ADTRP: variants seen among roughly 807,000 people sequenced by gnomAD.
ADTRP encodes androgen-dependent TFPI-regulating protein.
Under a neutral mutation model 27.0 loss-of-function variants are expected in ADTRP, and 20 were observed. The observed-to-expected ratio is 0.74, with a 90% CI of 0.52 to 1.08. ADTRP has a LOEUF of 1.08. Among genes scored for constraint, ADTRP ranks in the 50% least tolerant of loss-of-function variants. The pLI is 0.00. For missense variants in ADTRP, 251 were observed against 275.0 expected, an observed-to-expected ratio of 0.91 and a Z score of 0.62; for synonymous variants, 101 against 105.2, an observed-to-expected ratio of 0.96 and a Z score of 0.25.
intron 3 of ADTRP, among the ~76,000 whole-genome samples, chr6:11,748,740 C>A (rs1243647132): frequency 6.6e-6 from 1 of 152,188 alleles, no homozygotes; most frequent in Non-Finnish European, 1.5e-5. Flanking sequence ...CATGGGAGAG[C>A]AGATGGGGAG....
At position 11,751,426 on chromosome 6, in the gene ADTRP, G is replaced by A. The variant is rs369112612; in HGVS notation, c.390+14848C>T. Among the ~76,000 whole-genome samples the A allele has an allele frequency of 4.6e-5, 7 of 152,208 alleles. No individual in the cohort carries two copies. In the East Asian group the frequency reaches 9.6e-4, roughly 21 times the overall value. On this transcript the variant is annotated intron_variant, in intron 3 of 5. Transcript: ENST00000414691. ...CTGACATGGAGGTCATACCCTCCAT[G>A]TGTATTATGAGAGTGGTTATTTTAG...
At chr6:11,765,481 C>T (rs1282700153) in intron 3 of ADTRP, among the ~76,000 whole-genome samples, 5 of 152,016 alleles carry the variant, frequency 3.3e-5, no homozygotes, top group African/African-American at 1.2e-4. Flanking sequence ...GAGCGTGCCA[C>T]CACACCCGGC....
intron 1 of ADTRP, among the ~76,000 whole-genome samples, chr6:11,776,697 G>T (rs1763964225): frequency 6.6e-6 from 1 of 152,194 alleles, no homozygotes; most frequent in South Asian, 2.1e-4. Flanking sequence ...ACACCGGGCA[G>T]AGAAGTGACA....
chr6:11,722,439 T>C (rs1261032244), intron 5 of ADTRP, among the ~76,000 whole-genome samples: 1 of 152,170 alleles, frequency 6.6e-6, no homozygotes, highest in Non-Finnish European at 1.5e-5. Context: ...AAGATGGCAC[T>C]TCTGCCATCT....
intron 3 of ADTRP, among the ~76,000 whole-genome samples, chr6:11,741,450 A>T (rs950604326): frequency 1.3e-5 from 2 of 152,232 alleles, no homozygotes; most frequent in Non-Finnish European, 2.9e-5. Context: ...AGAGAAATGA[A>T]TGCCCCACTG....
chr6:11,743,223 A>AGATGATAAACTCTTT (rs1762771273), intron 3 of ADTRP, among the ~76,000 whole-genome samples: 1 of 152,170 alleles, frequency 6.6e-6, no homozygotes, highest in Admixed American at 6.5e-5. Context: ...TTTCTTAAAG[A>AGATGATAAACTCTTT]GATGATAAAC....
At chr6:11,778,371 T>C (rs1197623145) in intron 1 of ADTRP, among the ~76,000 whole-genome samples, 1 of 152,220 alleles carries the variant, frequency 6.6e-6, no homozygotes. Flanking sequence ...AGATTTTTTT[T>C]TTCAAGAGAG....
chr6:11,772,676 G>A (rs1045824276), intron 1 of ADTRP, among the ~76,000 whole-genome samples: 3 of 152,166 alleles, frequency 2.0e-5, no homozygotes, highest in African/African-American at 4.8e-5. Flanking sequence ...AAGAATTTGC[G>A]GTGGAAGACT....
chr6:11,723,798 C>A (rs1439137439), intron 4 of ADTRP, among the ~76,000 whole-genome samples: 1 of 152,134 alleles, frequency 6.6e-6, no homozygotes, highest in Non-Finnish European at 1.5e-5. Context: ...GTGGCTCATG[C>A]CTGTAATCCC....
intron 3 of ADTRP, among the ~76,000 whole-genome samples, chr6:11,761,196 G>T (rs1355156881): frequency 6.6e-6 from 1 of 152,134 alleles, no homozygotes; most frequent in Non-Finnish European, 1.5e-5. Context: ...TCATCATAGA[G>T]GCATCCCTTG....
chr6:11,774,333 A>AATAAATAAATAAATAG (rs1203520747), intron 1 of ADTRP, among the ~76,000 whole-genome samples: 1 of 151,862 alleles, frequency 6.6e-6, no homozygotes, highest in African/African-American at 2.4e-5. Flanking sequence ...TAAATAAATA[A>AATAAATAAATAAATAG]ATAAATAGTG....
intron 3 of ADTRP, among the ~76,000 whole-genome samples, chr6:11,761,522 A>G (rs1278810145): frequency 6.6e-6 from 1 of 152,198 alleles, no homozygotes; most frequent in Non-Finnish European, 1.5e-5. Context: ...GGTATATAAT[A>G]TCTCTTTTAA....
intron 4 of ADTRP, among the ~76,000 whole-genome samples, chr6:11,730,893 G>T (rs747677599): frequency 3.3e-5 from 5 of 152,224 alleles, no homozygotes; most frequent in African/African-American, 4.8e-5. Context: ...GGCCAGCTGG[G>T]GTGGTTGCTG....
At chr6:11,762,047 G>A (rs1021482614) in intron 3 of ADTRP, among the ~76,000 whole-genome samples, 1 of 152,176 alleles carries the variant, frequency 6.6e-6, no homozygotes, top group Non-Finnish European at 1.5e-5. Context: ...CTTATGGGTG[G>A]CAGAGAAAAA....
chr6:11,775,914 C>T (rs920162422), intron 1 of ADTRP, among the ~76,000 whole-genome samples: 2 of 152,092 alleles, frequency 1.3e-5, no homozygotes, highest in Non-Finnish European at 2.9e-5. Context: ...ACTAACTTCC[C>T]CAAGGTGAGG....
Position 11,752,905 on chromosome 6 carries a change from G to A in ADTRP, c.390+13369C>T, listed in dbSNP as rs540789476. Among the ~76,000 whole-genome samples, 20 of 152,272 alleles carry A rather than the reference G, an allele frequency of 1.3e-4. No individual in the cohort carries two copies. The East Asian group carries it at 2.3e-3, about 18-fold the overall frequency. ...GCGATGGTGATTCCAAGTCAATAAC[G>A]ATTTGCATGGGTCGTTAATGTATCA... is the stretch of plus-strand genomic sequence containing the variant. On this transcript the variant is annotated intron_variant, in intron 3 of 5. Transcript: ENST00000414691.
chr6:11,714,327 C>T lies in ADTRP; in HGVS notation c.*151G>A, dbSNP rs1761740071. On this transcript the variant is annotated 3_prime_UTR_variant, in exon 6 of 6. Coordinates refer to ENST00000414691, the MANE Select transcript of ADTRP (RefSeq NM_032744.4). ...AAGAGTTCTCAAGTTAAGCTACCTT[C>T]ACGAACCTCTTATTAAATTTAAGTA... 1 of 876,164 alleles carries T rather than the reference C, an allele frequency of 1.1e-6. No homozygotes were observed. The highest frequency in any genetic ancestry group is 1.7e-5 in the African/African-American group (1 of 57,452). 54.3% of individuals were successfully genotyped at this position (876,164 alleles called of 1,614,324 possible). A position where few individuals can be genotyped will look rare whatever the true frequency, so the allele number is the denominator to read the frequency against.
At chr6:11,765,120 A>C (rs113466737) in intron 3 of ADTRP, among the ~76,000 whole-genome samples, 2,665 of 120,630 alleles carry the variant, frequency 0.022, 90 homozygotes, top group African/African-American at 0.079. Flanking sequence ...TGAGCACAAA[A>C]TTTAAGCTGA....
At chr6:11,727,979 T>TAGGGAGGGAGGGAGGG (rs35686998) in intron 4 of ADTRP, among the ~76,000 whole-genome samples, 2 of 53,312 alleles carry the variant, frequency 3.8e-5, no homozygotes, top group African/African-American at 8.9e-5. Context: ...GGGAGGTAGG[T>TAGGGAGGGAGGGAGGG]AGGGAGGGAG....
Sources: allele counts gnomAD v4.1 joint callset (sites outside exome capture counted in the v4.1 genomes callset), GRCh38; gene constraint gnomAD v4.1.1; transcripts MANE v1.5; gene names NCBI Gene and HGNC (gene_info 2026-07-23, HGNC 2026-07-21).